The following KIAA0513 variants were observed in gnomAD, a reference collection of about 807,000 sequenced individuals.
KIAA0513 encodes the protein uncharacterized protein KIAA0513.
In KIAA0513, 39 loss-of-function variants were observed where a neutral mutation model predicts 56.5. That is an observed-to-expected ratio of 0.69 (90% CI 0.53 to 0.90). The LOEUF (loss-of-function observed/expected upper bound fraction) is 0.90. Ranked by LOEUF, KIAA0513 falls within the 40% of genes least tolerant of loss-of-function variation. The pLI is 0.00. For synonymous variants in KIAA0513, 268 were observed against 215.6 expected (o/e 1.24, Z -2.13); for missense variants, 591 against 535.2 (o/e 1.10, Z -1.03).
At chr16:85,069,392 C>CCA (rs2073538911) in intron 2 of KIAA0513, among the ~76,000 whole-genome samples, 1 of 152,176 alleles carries the variant, frequency 6.6e-6, no homozygotes, top group Admixed American at 6.5e-5. Context: ...GATTCAGAAG[C>CCA]AGCTGTTTGC....
chr16:85,053,665 G>C (rs1377904793), intron 1 of KIAA0513, among the ~76,000 whole-genome samples: 1 of 151,724 alleles, frequency 6.6e-6, no homozygotes, highest in African/African-American at 2.4e-5. Context: ...TTCAGAATCA[G>C]CCCAGGCAAT....
chr16:85,081,015 G>A lies in KIAA0513; in HGVS notation c.903-300G>A, dbSNP rs1045211658. ...CCCACCTCCGTGTCCTACAGATGGTGGCTTCAACTTTGCCCGCCAGTGCCC... is the reference window on the plus strand; with the variant it reads ...CCCACCTCCGTGTCCTACAGATGGTAGCTTCAACTTTGCCCGCCAGTGCCC... On this transcript the variant is annotated intron_variant, in intron 8 of 12. Coordinates refer to ENST00000683363, the MANE Select transcript of KIAA0513 (RefSeq NM_001388359.1). This position sits in a 1 kb window ranked among gnomAD's most constrained non-coding sequence, Gnocchi z 4.4. Among the ~76,000 whole-genome samples the A allele has an allele frequency of 6.6e-6, 1 of 152,194 alleles. No homozygotes were observed. Among genetic ancestry groups the A allele is most frequent in the African/African-American group, 2.4e-5 (1 of 41,456 alleles).
In KIAA0513 at chr16:85,081,350, A is replaced by G; in HGVS notation, c.938A>G (p.Asp313Gly). 6.2e-7 allele frequency: 1 copy of G among 1,600,350 alleles called. No individual in the cohort carries two copies. The highest frequency in any genetic ancestry group is 1.1e-5 in the South Asian group (1 of 88,692). The change falls in exon 9 of 13, where the codon GAC becomes GGC. Residue 313 changes from aspartate (D) to glycine (G), a missense_variant. Transcript: ENST00000683363. The surrounding 1 kb of genome is among the most constrained non-coding windows in gnomAD (Gnocchi z 4.4). ...AGGTTCTGGAATGCAGCCTTTTTTG[A>G]CGCTGTCCATTGTGAGAGGACAAAG... ...TLRFWNAAFF[D>G]AVHCERTKRS...
At chr16:85,056,104 T>A (rs1352238226) in intron 1 of KIAA0513, among the ~76,000 whole-genome samples, 1 of 152,222 alleles carries the variant, frequency 6.6e-6, no homozygotes, top group Non-Finnish European at 1.5e-5. Context: ...GTTTCTCCTG[T>A]CCATGTGAGA....
chr16:85,068,064 G>C (rs1203477421), intron 2 of KIAA0513, among the ~76,000 whole-genome samples: 4 of 152,114 alleles, frequency 2.6e-5, no homozygotes, highest in African/African-American at 9.7e-5. Flanking sequence ...ACCCGCCTCA[G>C]CCTCCCAAAG....
rs1169016390 is a variant in KIAA0513 at position 85,074,335 on chromosome 16, T to TAC, written c.503+1343_503+1344dup. Among the ~76,000 whole-genome samples the TAC allele has an allele frequency of 4.8e-3, 630 of 130,868 alleles. 5 individuals are homozygous for TAC. Among genetic ancestry groups the TAC allele is most frequent in the African/African-American group, 0.016 (551 of 33,612 alleles). 85.9% of individuals were successfully genotyped at this position (130,868 alleles called of 152,430 possible). On this transcript the variant is annotated intron_variant, in intron 4 of 12. Transcript: ENST00000683363. Reference sequence around the variant, plus strand: ...ATACACACACACACACACGTATATATACACACATACACACACACACACACA... The same window carrying TAC: ...ATACACACACACACACACGTATATATACACACACATACACACACACACACACA...
Position 85,057,593 on chromosome 16 carries a change from C to T in KIAA0513, c.-172-9307C>T, listed in dbSNP as rs546286346. ...TGACCCTGTTCCAGTCCCGGGAATA[C>T]TGCAGTGAAGAAAACACACACGACT... On this transcript the variant is annotated intron_variant, in intron 1 of 12. Coordinates refer to ENST00000683363, the MANE Select transcript of KIAA0513 (RefSeq NM_001388359.1). 2.4e-4 allele frequency among the ~76,000 whole-genome samples: 36 copies of T among 152,170 alleles called. 1 individual carries two copies. Among genetic ancestry groups the T allele is most frequent in the Admixed American group, 4.6e-4 (7 of 15,280 alleles).
rs1157820190 is a variant in KIAA0513 at position 85,089,086 on chromosome 16, G to GC, written c.*764dup. 6.6e-6 allele frequency: 1 copy of GC among 152,224 alleles called. No homozygotes were observed. Among genetic ancestry groups the GC allele is most frequent in the African/African-American group, 2.4e-5 (1 of 41,452 alleles). 9.4% of individuals were successfully genotyped at this position (152,224 alleles called of 1,614,324 possible). On this transcript the variant is annotated 3_prime_UTR_variant, in exon 13 of 13. Transcript: ENST00000683363. This position sits in a 1 kb window ranked among gnomAD's most constrained non-coding sequence, Gnocchi z 4.2. ...AGACCACACAGACCGTCTGAAATGC[G>GC]CCCGCCTGGCGGACAGCTCCCTTCT...
rs60578037 is a variant in KIAA0513, at chr16:85,091,938, ATTTT to A, written c.*3632_*3635del. The A allele has an allele frequency of 0.2, 25,696 of 129,150 alleles. 2,730 individuals are homozygous for A. Among genetic ancestry groups the A allele is most frequent in the Middle Eastern group, 0.29 (71 of 246 alleles). 8.0% of individuals were successfully genotyped at this position (129,150 alleles called of 1,614,324 possible). A position where few individuals can be genotyped will look rare whatever the true frequency, so the allele number is the denominator to read the frequency against. On this transcript the variant is annotated 3_prime_UTR_variant, in exon 13 of 13. Transcript: ENST00000683363. ...TTCCTGGGTCCCACTATCTGTTGGC[ATTTT>A]TTTTTTTTTTTTTTTTTTAGACGGA...
intron 1 of KIAA0513, among the ~76,000 whole-genome samples, chr16:85,054,347 C>T (rs2073297212): frequency 6.6e-6 from 1 of 151,524 alleles, no homozygotes; most frequent in African/African-American, 2.4e-5. Flanking sequence ...AGCTTCTTCA[C>T]ATTCAAAGAC....
At chr16:85,037,729 C>G (rs964765034) in intron 1 of KIAA0513, among the ~76,000 whole-genome samples, 2 of 152,176 alleles carry the variant, frequency 1.3e-5, no homozygotes, top group Non-Finnish European at 2.9e-5. Flanking sequence ...CTTTATGAGT[C>G]TGCTCTTGTG....
intron 1 of KIAA0513, among the ~76,000 whole-genome samples, chr16:85,066,004 C>T (rs1381366229): frequency 6.6e-6 from 1 of 152,244 alleles, no homozygotes; most frequent in African/African-American, 2.4e-5. Context: ...TCGCTGGGCA[C>T]AGCATGGCTA....
rs949206470 is a variant in KIAA0513 at position 85,082,439 on chromosome 16, C to CT, written c.981-122dup. On this transcript the variant is annotated intron_variant, in intron 9 of 12. Transcript: ENST00000683363. ...GTGAATTTATTTCGAATATTCCTGTCTTTCTCTGTCCCGCTCCGTTTCTGC... is the reference window on the plus strand; with the variant it reads ...GTGAATTTATTTCGAATATTCCTGTCTTTTCTCTGTCCCGCTCCGTTTCTGC... The CT allele has an allele frequency of 1.1e-4, 99 of 881,928 alleles. No homozygotes were observed. In the African/African-American group the frequency reaches 1.5e-3, roughly 13 times the overall value. The allele number at this position is 881,928 out of a possible 1,614,324, so 54.6% of individuals were successfully genotyped here.
chr16:85,043,503 C>G (rs1441110429), intron 1 of KIAA0513, among the ~76,000 whole-genome samples: 2 of 149,734 alleles, frequency 1.3e-5, no homozygotes, highest in African/African-American at 5.0e-5. Context: ...CCTCTGCCTC[C>G]TGGGTTCAAG....
intron 9 of KIAA0513, among the ~76,000 whole-genome samples, chr16:85,082,228 G>A: frequency 6.6e-6 from 1 of 152,144 alleles, no homozygotes; most frequent in East Asian, 1.9e-4. Context: ...GGGGGCAGGA[G>A]GCCTGGAGCA....
intron 2 of KIAA0513, among the ~76,000 whole-genome samples, chr16:85,070,205 G>A (rs752005941): frequency 7.4e-5 from 11 of 149,414 alleles, no homozygotes; most frequent in Non-Finnish European, 1.2e-4. Context: ...GAAATTTTGC[G>A]TTTTACTCTG....
intron 4 of KIAA0513, among the ~76,000 whole-genome samples, 166 bp downstream of exon 4, chr16:85,073,164 G>A (rs764839275): frequency 1.4e-4 from 22 of 152,256 alleles, no homozygotes; most frequent in African/African-American, 2.2e-4. Flanking sequence ...AGGCACAGTC[G>A]TGACCTCCAT....
chr16:85,075,923 T>C lies in KIAA0513; in HGVS notation c.574+9T>C. On this transcript the variant is annotated intron_variant, in intron 5 of 12. Coordinates refer to ENST00000683363, the MANE Select transcript of KIAA0513 (RefSeq NM_001388359.1). ...CACCTACTACCACATCGGTAAGACATGGGTGGGCTGATGTGGGGCTCACCT... is the reference window on the plus strand; with the variant it reads ...CACCTACTACCACATCGGTAAGACACGGGTGGGCTGATGTGGGGCTCACCT... The C allele has an allele frequency of 6.2e-7, 1 of 1,606,502 alleles. No individual in the cohort carries two copies. Among genetic ancestry groups the C allele is most frequent in the East Asian group, 2.2e-5 (1 of 44,846 alleles).
chr16:85,040,852 C>A (rs2073096019), intron 1 of KIAA0513, among the ~76,000 whole-genome samples: 1 of 152,174 alleles, frequency 6.6e-6, no homozygotes, highest in Admixed American at 6.5e-5. Flanking sequence ...AACTGTGGAT[C>A]AATACACTTA....
Sources: gnomAD v4.1 joint callset for allele counts (sites outside exome capture counted in the v4.1 genomes callset) on GRCh38, gnomAD v4.1.1 for gene constraint, Gnocchi (gnomAD v3.1) non-coding constraint, MANE v1.5 for transcripts, NCBI Gene and HGNC (gene_info 2026-07-23, HGNC 2026-07-21) for gene names.